BTRC: variants seen among roughly 807,000 people sequenced by gnomAD.
BTRC encodes beta-transducin repeat containing E3 ubiquitin protein ligase.
A neutral mutation model predicts 85.5 loss-of-function variants in BTRC; 42 were observed. The ratio of observed to expected loss-of-function variants is 0.49; its 90% CI spans 0.38 to 0.64. BTRC has a LOEUF of 0.64. BTRC is among the 30% of genes least tolerant of loss of function. The probability of loss-of-function intolerance (pLI) is 0.00; values close to 1 mark genes in which losing one functional copy is unlikely to be tolerated. For synonymous variants in BTRC, 255 were observed against 263.3 expected (o/e 0.97, Z 0.30); for missense variants, 594 against 743.5 (o/e 0.80, Z 2.34).
chr10:101,359,369 C>T (rs1490873992), intron 1 of BTRC, among the ~76,000 whole-genome samples: 1 of 152,048 alleles, frequency 6.6e-6, no homozygotes, highest in Non-Finnish European at 1.5e-5. Context: ...AGTTTGTTTT[C>T]TGGGTACTCT....
At chr10:101,528,194 G>C (rs1445599208) in intron 6 of BTRC, among the ~76,000 whole-genome samples, 2 of 152,206 alleles carry the variant, frequency 1.3e-5, no homozygotes, top group African/African-American at 2.4e-5. Flanking sequence ...CATTTGGACT[G>C]TAAATGACAG....
chr10:101,437,191 G>T (rs1944554642), intron 2 of BTRC, among the ~76,000 whole-genome samples: 1 of 152,124 alleles, frequency 6.6e-6, no homozygotes, highest in Non-Finnish European at 1.5e-5. Flanking sequence ...CACCTTAGGG[G>T]TTTGCAGGGA....
At chr10:101,461,618 G>A (rs1470198126) in intron 2 of BTRC, among the ~76,000 whole-genome samples, 4 of 152,092 alleles carry the variant, frequency 2.6e-5, no homozygotes, top group South Asian at 4.1e-4. Flanking sequence ...TACTATAATC[G>A]AGAGAAGGTA....
chr10:101,531,366 AGGGCACAG>A, intron 7 of BTRC, 33 bp downstream of exon 7: 1 of 1,463,696 alleles, frequency 6.8e-7, no homozygotes, highest in Non-Finnish European at 9.5e-7. Context: ...GTATTGCCCA[AGGGCACAG>A]AATTATCAGC....
At chr10:101,481,662 T>C (rs1945837398) in intron 4 of BTRC, among the ~76,000 whole-genome samples, 1 of 152,226 alleles carries the variant, frequency 6.6e-6, no homozygotes, top group African/African-American at 2.4e-5. Flanking sequence ...CTTCCATGCT[T>C]TTGGATCTTG....
intron 4 of BTRC, among the ~76,000 whole-genome samples, chr10:101,510,753 A>G (rs1392574628): frequency 6.6e-6 from 1 of 152,216 alleles, no homozygotes; most frequent in African/African-American, 2.4e-5. Context: ...GTATTATACT[A>G]AAATAAATGT....
chr10:101,408,197 GTA>G (rs1405584277), intron 1 of BTRC, among the ~76,000 whole-genome samples: 1 of 152,068 alleles, frequency 6.6e-6, no homozygotes, highest in Non-Finnish European at 1.5e-5. Flanking sequence ...GTATTGGAGA[GTA>G]TGTTTAGACC....
chr10:101,492,086 C>T (rs558887368), intron 4 of BTRC, among the ~76,000 whole-genome samples: 16 of 152,156 alleles, frequency 1.1e-4, no homozygotes, highest in African/African-American at 3.9e-4. Context: ...ACTTGCTCAA[C>T]ATGGAGCACT....
At chr10:101,405,788 T>C (rs977009975) in intron 1 of BTRC, among the ~76,000 whole-genome samples, 1 of 152,226 alleles carries the variant, frequency 6.6e-6, no homozygotes, top group African/African-American at 2.4e-5. Context: ...ATCCTTTTGA[T>C]ATTGATTTAT....
At chr10:101,443,487 A>G (rs991238458) in intron 2 of BTRC, among the ~76,000 whole-genome samples, 13 of 152,212 alleles carry the variant, frequency 8.5e-5, no homozygotes, top group African/African-American at 3.1e-4. Context: ...TAGAATGTGT[A>G]TGTGTGCATA....
chr10:101,497,504 C>G (rs899914069), intron 4 of BTRC, among the ~76,000 whole-genome samples: 2 of 152,074 alleles, frequency 1.3e-5, no homozygotes, highest in African/African-American at 2.4e-5. Context: ...TGAGACCAGC[C>G]TGGTCAACAA....
intron 5 of BTRC, among the ~76,000 whole-genome samples, chr10:101,524,474 T>G (rs564453482): frequency 6.6e-6 from 1 of 152,316 alleles, no homozygotes; most frequent in African/African-American, 2.4e-5. Flanking sequence ...TAATGCTTTA[T>G]GGCCATTTAA....
At chr10:101,426,491 T>G (rs1351100112) in intron 1 of BTRC, among the ~76,000 whole-genome samples, 1 of 152,174 alleles carries the variant, frequency 6.6e-6, no homozygotes, top group Non-Finnish European at 1.5e-5. Context: ...CATTACTGAT[T>G]ATAATTTTCT....
chr10:101,389,614 T>A (rs1210185723), intron 1 of BTRC, among the ~76,000 whole-genome samples: 1 of 74,752 alleles, frequency 1.3e-5, no homozygotes, highest in Admixed American at 1.5e-4. Flanking sequence ...AAACACCTTT[T>A]TTTTTTTTTT....
At chr10:101,476,069 A>T (rs1324972209) in intron 3 of BTRC, among the ~76,000 whole-genome samples, 1 of 151,736 alleles carries the variant, frequency 6.6e-6, no homozygotes, top group African/African-American at 2.4e-5. Context: ...TTCTGATTTG[A>T]TGCAGTGAGA....
chr10:101,505,157 G>GTATATATATATATATATA (rs36139179), intron 4 of BTRC, among the ~76,000 whole-genome samples: 1 of 118,924 alleles, frequency 8.4e-6, no homozygotes, highest in African/African-American at 3.1e-5. Context: ...ATATGTATAT[G>GTATATATATATATATATA]TATATATATA....
At chr10:101,488,518 ATTAG>A (rs1243018237) in intron 4 of BTRC, among the ~76,000 whole-genome samples, 1 of 152,206 alleles carries the variant, frequency 6.6e-6, no homozygotes, top group African/African-American at 2.4e-5. Flanking sequence ...ATCAAATGGT[ATTAG>A]GCTATAGAAG....
chr10:101,367,936 A>G (rs1002616644), intron 1 of BTRC, among the ~76,000 whole-genome samples: 1 of 152,174 alleles, frequency 6.6e-6, no homozygotes, highest in African/African-American at 2.4e-5. Flanking sequence ...ACATATGTAC[A>G]TATTTCTGTT....
At chr10:101,459,714 C>CT (rs1328552155) in intron 2 of BTRC, among the ~76,000 whole-genome samples, 4 of 152,154 alleles carry the variant, frequency 2.6e-5, no homozygotes, top group Admixed American at 2.6e-4. Context: ...TAGTAACACC[C>CT]TTTAAGCTCC....
Sources: allele counts gnomAD v4.1 joint callset (sites outside exome capture counted in the v4.1 genomes callset), GRCh38; gene constraint gnomAD v4.1.1; transcripts MANE v1.5; gene names NCBI Gene and HGNC (gene_info 2026-07-23, HGNC 2026-07-21).